The following FAM219A variants were observed in gnomAD, a reference collection of about 807,000 sequenced individuals.
The protein encoded by FAM219A is family with sequence similarity 219 member A.
FAM219A carries 7 observed loss-of-function variants against 23.4 expected under a neutral mutation model. The observed-to-expected ratio is 0.30, with a 90% CI of 0.17 to 0.56. FAM219A has a LOEUF of 0.56. FAM219A is among the 20% of genes least tolerant of loss of function. The pLI is 0.92. For missense variants in FAM219A, 166 were observed against 246.9 expected (o/e 0.67, Z 2.20); for synonymous variants, 93 against 99.0 (o/e 0.94, Z 0.36).
At chr9:34,418,684 C>T (rs908379607) in intron 1 of FAM219A, among the ~76,000 whole-genome samples, 2 of 152,214 alleles carry the variant, frequency 1.3e-5, no homozygotes, top group African/African-American at 4.8e-5. Context: ...ACATCACCCT[C>T]GCCTCCCCCA....
intron 1 of FAM219A, among the ~76,000 whole-genome samples, chr9:34,418,467 A>C (rs1161167915): frequency 6.6e-6 from 1 of 152,190 alleles, no homozygotes. Context: ...TAAGGGCCTA[A>C]GGGCCAAGCC....
chr9:34,421,988 C>T lies in FAM219A; in HGVS notation c.61-16024G>A, dbSNP rs939945650. ...CTAGGCCAGCCTCTCTACGCCCACA[C>T]CATCCCCAGACAGCCTCTCAAAGAG... is the stretch of plus-strand genomic sequence containing the variant. On this transcript the variant is annotated intron_variant, in intron 1 of 5. Coordinates refer to ENST00000651358, the MANE Select transcript of FAM219A (RefSeq NM_001184940.2). Among the ~76,000 whole-genome samples, 3 of 152,302 alleles carry T rather than the reference C, an allele frequency of 2.0e-5. No homozygotes were observed. In the East Asian group the frequency reaches 5.8e-4, roughly 29 times the overall value.
intron 5 of FAM219A, 106 bp downstream of exon 5, chr9:34,401,560 G>A: frequency 2.2e-6 from 3 of 1,339,570 alleles, no homozygotes; most frequent in Non-Finnish European, 3.1e-6. Context: ...ACCCAGCCTT[G>A]CCCAGCCCTC....
intron 1 of FAM219A, among the ~76,000 whole-genome samples, chr9:34,435,839 T>C (rs1398899611): frequency 1.3e-5 from 2 of 151,984 alleles, no homozygotes; most frequent in Non-Finnish European, 2.9e-5. Flanking sequence ...GGAGTCTCAC[T>C]GTATCACCCA....
At chr9:34,433,218 C>T (rs1564010986) in intron 1 of FAM219A, among the ~76,000 whole-genome samples, 1 of 152,138 alleles carries the variant, frequency 6.6e-6, no homozygotes. Context: ...TGTTTTGTTG[C>T]TCAAATGTTT....
At chr9:34,411,328 A>G (rs1821811553) in intron 1 of FAM219A, among the ~76,000 whole-genome samples, 1 of 151,778 alleles carries the variant, frequency 6.6e-6, no homozygotes, top group African/African-American at 2.4e-5. Flanking sequence ...CAGGAGGATC[A>G]CTTAAACTCA....
intron 1 of FAM219A, among the ~76,000 whole-genome samples, chr9:34,436,892 C>T (rs1032648594): frequency 2.6e-5 from 4 of 152,220 alleles, no homozygotes; most frequent in African/African-American, 9.6e-5. Flanking sequence ...GTATATAGAA[C>T]ACTTTGCAGC....
At chr9:34,414,228 CAT>C (rs1378555488) in intron 1 of FAM219A, among the ~76,000 whole-genome samples, 1 of 152,340 alleles carries the variant, frequency 6.6e-6, no homozygotes, top group African/African-American at 2.4e-5. Context: ...CACACCTCAA[CAT>C]ATGAGTTATC....
intron 1 of FAM219A, among the ~76,000 whole-genome samples, chr9:34,428,990 G>A (rs74644988): frequency 1.3e-5 from 2 of 152,214 alleles, no homozygotes; most frequent in South Asian, 2.1e-4. Context: ...CATTGTCAAC[G>A]GCCCCATCTC....
intron 1 of FAM219A, among the ~76,000 whole-genome samples, chr9:34,453,240 T>C (rs1823618011): frequency 6.6e-6 from 1 of 152,186 alleles, no homozygotes; most frequent in South Asian, 2.1e-4. Flanking sequence ...AGGTCAGTTT[T>C]CCACAGTGGC....
At chr9:34,441,770 C>T (rs576506448) in intron 1 of FAM219A, among the ~76,000 whole-genome samples, 2 of 152,232 alleles carry the variant, frequency 1.3e-5, no homozygotes, top group East Asian at 3.9e-4. Context: ...CGCTCTGTTA[C>T]CCAGGCTGGA....
Position 34,398,230 on chromosome 9 carries a change from A to G in FAM219A, c.*2734T>C, listed in dbSNP as rs1161585398. 1.0e-5 allele frequency: 16 copies of G among 1,538,096 alleles called. No homozygotes were observed. The Admixed American group carries it at 2.6e-4, about 25-fold the overall frequency. On this transcript the variant is annotated 3_prime_UTR_variant, in exon 6 of 6. Coordinates refer to ENST00000651358, the MANE Select transcript of FAM219A (RefSeq NM_001184940.2). ...TATCATTATTTGTGTTACACGATAC[A>G]CAACCAAGGATGATGGTCAATACTG...
intron 1 of FAM219A, among the ~76,000 whole-genome samples, chr9:34,438,958 ACACT>A (rs1306432378): frequency 6.6e-6 from 1 of 152,196 alleles, no homozygotes; most frequent in African/African-American, 2.4e-5. Flanking sequence ...ATGAGGTGTA[ACACT>A]CACCGCGAAG....
At chr9:34,419,655 G>C (rs922239762) in intron 1 of FAM219A, among the ~76,000 whole-genome samples, 1 of 152,180 alleles carries the variant, frequency 6.6e-6, no homozygotes, top group African/African-American at 2.4e-5. Context: ...GTCTGGGCCA[G>C]ATTGACGTGT....
At chr9:34,445,472 T>C (rs1422929862) in intron 1 of FAM219A, among the ~76,000 whole-genome samples, 1 of 152,198 alleles carries the variant, frequency 6.6e-6, no homozygotes, top group Non-Finnish European at 1.5e-5. Context: ...TATTGATCTC[T>C]GAAGAATGTG....
chr9:34,414,909 A>G (rs1275993085), intron 1 of FAM219A, among the ~76,000 whole-genome samples: 1 of 152,170 alleles, frequency 6.6e-6, no homozygotes, highest in Non-Finnish European at 1.5e-5. Context: ...AGAAGAGGAA[A>G]GCATCTTTTC....
intron 1 of FAM219A, among the ~76,000 whole-genome samples, chr9:34,438,711 A>T (rs767841235): frequency 6.6e-6 from 1 of 152,136 alleles, no homozygotes; most frequent in African/African-American, 2.4e-5. Flanking sequence ...AGCCTTGGAG[A>T]ACCTTTGTGT....
In FAM219A at chr9:34,438,695, T is replaced by C. The variant is rs924959656; in HGVS notation, c.60+19509A>G. Among the ~76,000 whole-genome samples, 5 of 152,326 alleles carry C rather than the reference T, an allele frequency of 3.3e-5. 1 individual carries two copies. In the Middle Eastern group the frequency reaches 0.01, roughly 311 times the overall value. On this transcript the variant is annotated intron_variant, in intron 1 of 5. Transcript: ENST00000651358. ...ATCAACACTGCGTATCTAGCTACTC[T>C]GGTGGAGCCTTGGAGAACCTTTGTG... is the stretch of plus-strand genomic sequence containing the variant.
At chr9:34,452,068 T>G (rs1823579472) in intron 1 of FAM219A, among the ~76,000 whole-genome samples, 1 of 151,762 alleles carries the variant, frequency 6.6e-6, no homozygotes, top group South Asian at 2.1e-4. Flanking sequence ...ATTTTATTTT[T>G]TATTCATCAA....
Sources: gnomAD v4.1 joint callset for allele counts (sites outside exome capture counted in the v4.1 genomes callset) on GRCh38, gnomAD v4.1.1 for gene constraint, MANE v1.5 for transcripts, NCBI Gene and HGNC (gene_info 2026-07-23, HGNC 2026-07-21) for gene names.